UBE2E3: variants seen among roughly 807,000 people sequenced by gnomAD.
The protein encoded by UBE2E3 is ubiquitin-conjugating enzyme E2 E3.
UBE2E3 carries 5 observed loss-of-function variants against 23.6 expected under a neutral mutation model. That is an observed-to-expected ratio of 0.21 (90% CI 0.11 to 0.44). The LOEUF is 0.44. Ranked by LOEUF, UBE2E3 falls within the 20% of genes least tolerant of loss-of-function variation. The pLI, the probability that UBE2E3 is intolerant of heterozygous loss-of-function variation, is 0.99. For missense variants in UBE2E3, 81 were observed against 249.8 expected, an observed-to-expected ratio of 0.32 and a Z score of 4.55; for synonymous variants, 78 against 87.5, an observed-to-expected ratio of 0.89 and a Z score of 0.60.
rs572307180 is a variant in UBE2E3 at position 181,057,854 on chromosome 2, A to G, written c.378+29A>G. The G allele has an allele frequency of 3.9e-5, 62 of 1,602,544 alleles. No individual in the cohort carries two copies. The South Asian group carries it at 5.8e-4, about 15-fold the overall frequency. ...AGAAGCTTGAAGTGCATTCTTTAGT[A>G]TTTAATCCTTCTCCTCTAAAATCGG... On this transcript the variant is annotated intron_variant, in intron 4 of 5. Coordinates refer to ENST00000410062, the MANE Select transcript of UBE2E3 (RefSeq NM_006357.4).
At chr2:181,056,195 G>A (rs1451231305) in intron 3 of UBE2E3, among the ~76,000 whole-genome samples, 3 of 151,492 alleles carry the variant, frequency 2.0e-5, no homozygotes. Context: ...ATTAAAGTCA[G>A]TAATGACTTA....
chr2:181,057,946 TG>T lies in UBE2E3; in HGVS notation c.378+123del, dbSNP rs1226830325. 23 of 1,092,240 alleles carry T rather than the reference TG, an allele frequency of 2.1e-5. No individual in the cohort carries two copies. The East Asian group carries it at 5.7e-4, about 27-fold the overall frequency. 67.7% of individuals were successfully genotyped at this position (1,092,240 alleles called of 1,614,324 possible). A position where few individuals can be genotyped will look rare whatever the true frequency, so the allele number is the denominator to read the frequency against. ...TTTCATTGCTTTTCATGGATTGATA[TG>T]GAAATTTTCGCATAATCAAGAATTT... is the stretch of plus-strand genomic sequence containing the variant. On this transcript the variant is annotated intron_variant, in intron 4 of 5. Transcript: ENST00000410062.
At chr2:181,062,734 C>A in intron 5 of UBE2E3, 57 bp from the exon 6 acceptor site, 1 of 1,006,500 alleles carries the variant, frequency 9.9e-7, no homozygotes, top group Non-Finnish European at 1.5e-6. Context: ...AATATTAGAA[C>A]TATACCTTGA....
chr2:181,032,138 A>G (rs1686099780), intron 3 of UBE2E3, among the ~76,000 whole-genome samples: 2 of 152,168 alleles, frequency 1.3e-5, no homozygotes, highest in South Asian at 4.1e-4. Context: ...CCTTTGAACA[A>G]ATTTTATGCC....
At chr2:180,993,287 A>G (rs1279283123) in intron 3 of UBE2E3, among the ~76,000 whole-genome samples, 2 of 152,300 alleles carry the variant, frequency 1.3e-5, no homozygotes, top group South Asian at 2.1e-4. Context: ...TTTTAACTTT[A>G]TGGTTATTCA....
intron 3 of UBE2E3, among the ~76,000 whole-genome samples, chr2:181,046,155 A>C (rs6433883): frequency 0.77 from 117,789 of 152,052 alleles, 45,942 homozygotes; most frequent in East Asian, 0.91. Context: ...ACCCCACATA[A>C]GTGCCAGCTA....
At chr2:180,996,007 T>C (rs1347643818) in intron 3 of UBE2E3, among the ~76,000 whole-genome samples, 1 of 152,152 alleles carries the variant, frequency 6.6e-6, no homozygotes, top group Non-Finnish European at 1.5e-5. Flanking sequence ...TGAGTTGGTG[T>C]CCTAGTATCC....
At chr2:180,991,630 G>A (rs55988743) in intron 3 of UBE2E3, among the ~76,000 whole-genome samples, 35,305 of 152,036 alleles carry the variant, frequency 0.23, 4,460 homozygotes, top group Non-Finnish European at 0.28. Flanking sequence ...CTTAAAACAT[G>A]AGATTTTTTT....
At chr2:180,982,967 G>A (rs539597402) in intron 2 of UBE2E3, among the ~76,000 whole-genome samples, 19 of 152,236 alleles carry the variant, frequency 1.2e-4, no homozygotes, top group Non-Finnish European at 2.4e-4. Context: ...TATTTAATTG[G>A]ATGTAAGTGA....
intron 3 of UBE2E3, among the ~76,000 whole-genome samples, chr2:181,028,527 A>G (rs761808316): frequency 7.9e-5 from 12 of 152,252 alleles, no homozygotes; most frequent in East Asian, 1.9e-4. Flanking sequence ...GCAAAGTGCA[A>G]TAGTTCTCTT....
chr2:181,029,841 T>C (rs1228913358), intron 3 of UBE2E3, among the ~76,000 whole-genome samples: 19 of 86,902 alleles, frequency 2.2e-4, no homozygotes, highest in African/African-American at 6.6e-4. Context: ...TTCGGTCCCT[T>C]TTTTTTTTTT....
chr2:181,051,462 G>C (rs147172868), intron 3 of UBE2E3, among the ~76,000 whole-genome samples: 13 of 151,634 alleles, frequency 8.6e-5, no homozygotes, highest in Admixed American at 4.6e-4. Context: ...ACCTACAAAC[G>C]TTTGTAATGA....
chr2:181,049,374 A>C (rs1194923717), intron 3 of UBE2E3, among the ~76,000 whole-genome samples: 1 of 152,038 alleles, frequency 6.6e-6, no homozygotes, highest in Non-Finnish European at 1.5e-5. Flanking sequence ...AATGTTGTTT[A>C]ACTGACTGGA....
intron 2 of UBE2E3, 109 bp downstream of exon 2, chr2:180,982,345 A>G (rs1198349692): frequency 1.6e-5 from 16 of 980,648 alleles, no homozygotes; most frequent in Non-Finnish European, 1.5e-6. Context: ...TATTTACTTC[A>G]TTATCAGTTT....
At chr2:180,985,637 A>G (rs1332300188) in intron 3 of UBE2E3, among the ~76,000 whole-genome samples, 1 of 152,180 alleles carries the variant, frequency 6.6e-6, no homozygotes, top group African/African-American at 2.4e-5. Context: ...TGGTGTGTCA[A>G]ATCTGTAGCC....
chr2:180,999,335 C>G (rs571444582), intron 3 of UBE2E3, among the ~76,000 whole-genome samples: 44 of 152,292 alleles, frequency 2.9e-4, no homozygotes, highest in African/African-American at 1.1e-3. Flanking sequence ...TATCTCCTCA[C>G]CAGTTGTGAG....
intron 3 of UBE2E3, among the ~76,000 whole-genome samples, chr2:180,996,700 A>T (rs1684830190): frequency 6.6e-6 from 1 of 152,180 alleles, no homozygotes; most frequent in South Asian, 2.1e-4. Context: ...ACTGGCCTAG[A>T]TTCCACATTG....
intron 3 of UBE2E3, among the ~76,000 whole-genome samples, chr2:180,996,297 C>G (rs577205932): frequency 1.3e-5 from 2 of 152,082 alleles, no homozygotes; most frequent in Non-Finnish European, 2.9e-5. Flanking sequence ...TAGCCACTTC[C>G]TTGTCAGTTG....
intron 3 of UBE2E3, among the ~76,000 whole-genome samples, chr2:181,052,701 C>T (rs1455896426): frequency 6.6e-6 from 1 of 151,720 alleles, no homozygotes; most frequent in Non-Finnish European, 1.5e-5. Context: ...TCCTGTTTAC[C>T]TCCCAGTTTG....
Sources: allele counts gnomAD v4.1 joint callset (sites outside exome capture counted in the v4.1 genomes callset), GRCh38; gene constraint gnomAD v4.1.1; transcripts MANE v1.5; gene names NCBI Gene and HGNC (gene_info 2026-07-23, HGNC 2026-07-21).